TGFB3: variants seen among roughly 807,000 people sequenced by gnomAD.
TGFB3 encodes transforming growth factor beta 3.
Under a neutral mutation model 40.1 loss-of-function variants are expected in TGFB3, and 5 were observed. That is an observed-to-expected ratio of 0.12 (90% CI 0.07 to 0.26). The LOEUF (loss-of-function observed/expected upper bound fraction) is 0.26. TGFB3 is among the 10% of genes least tolerant of loss of function. TGFB3 has a pLI of 1.00. For synonymous variants in TGFB3, 184 were observed against 205.6 expected, an observed-to-expected ratio of 0.89 and a Z score of 0.90; for missense variants, 373 against 530.1, an observed-to-expected ratio of 0.70 and a Z score of 2.91.
At position 75,961,077 on chromosome 14, in the gene TGFB3, C is replaced by G. The variant is rs767548724; in HGVS notation, c.927-1G>C. 1 of 1,614,082 alleles carries G rather than the reference C, an allele frequency of 6.2e-7. No individual in the cohort carries two copies. The highest frequency in any genetic ancestry group is 1.7e-5 in the Admixed American group (1 of 60,024). ...CACACAGCAGTTCTCCTCCAAGTTGCTACAACAAAAAACATTTATAGAAAA... is the reference window on the plus strand; with the variant it reads ...CACACAGCAGTTCTCCTCCAAGTTGGTACAACAAAAAACATTTATAGAAAA... On this transcript the variant is annotated splice_acceptor_variant, in intron 5 of 6. Transcript: ENST00000238682. LOFTEE classifies it high-confidence loss of function.
chr14:75,979,233 G>T lies in TGFB3; in HGVS notation c.352+1309C>A, dbSNP rs1299853649. Among the ~76,000 whole-genome samples the T allele has an allele frequency of 6.6e-6, 1 of 152,116 alleles. No homozygotes were observed. Among genetic ancestry groups the T allele is most frequent in the African/African-American group, 2.4e-5 (1 of 41,420 alleles). On this transcript the variant is annotated intron_variant, in intron 1 of 6. Transcript: ENST00000238682. The surrounding 1 kb of genome is among the most constrained non-coding windows in gnomAD (Gnocchi z 4.8). The stretch of plus-strand genomic sequence containing the variant: ...CTGCCTGGCGTGGAGCCGTGAACGG[G>T]GCCTTTGCACCTCCAGCCAGAGCTG...
Position 75,981,107 on chromosome 14 carries a change from C to A in TGFB3, c.-214G>T. 1.7e-6 allele frequency: 1 copy of A among 597,962 alleles called. No homozygotes were observed. Among genetic ancestry groups the A allele is most frequent in the Admixed American group, 2.8e-5 (1 of 36,360 alleles). The allele number at this position is 597,962 out of a possible 1,614,324, so 37.0% of individuals were successfully genotyped here. ...TGAGGACGAAGAAGCGGACTGTGTG[C>A]CTTGTAGCGCTGGGATTCTTGTCCA... On this transcript the variant is annotated 5_prime_UTR_variant, in exon 1 of 7. Transcript: ENST00000238682. The surrounding 1 kb of genome is among the most constrained non-coding windows in gnomAD (Gnocchi z 4.7).
Position 75,980,759 on chromosome 14 carries a change from T to C in TGFB3, c.135A>G (p.Gly45=), listed in dbSNP as rs759608485. The C allele has an allele frequency of 6.2e-7, 1 of 1,614,122 alleles. No individual in the cohort carries two copies. Among genetic ancestry groups the C allele is most frequent in the South Asian group, 1.1e-5 (1 of 91,078 alleles). Residue 45 remains glycine, a synonymous_variant, in exon 1 of 7, where the codon GGA becomes GGG. Transcript: ENST00000238682. This position sits in a 1 kb window ranked among gnomAD's most constrained non-coding sequence, Gnocchi z 4.3. ...TGAGCCTGAGCTTGCTCAAGATCTG[T>C]CCCCTAATGGCTTCCACCCTCTTCT... The part of the protein sequence containing the change: ...IKKKRVEAIR[G]QILSKLRLTS...
rs2035290418 is a variant in TGFB3 at position 75,971,424 on chromosome 14, A to T, written c.516+131T>A. 3.9e-6 allele frequency: 6 copies of T among 1,521,310 alleles called. No homozygotes were observed. The highest frequency in any genetic ancestry group is 5.4e-6 in the Non-Finnish European group (6 of 1,116,304). The allele number at this position is 1,521,310 out of a possible 1,614,324, so 94.2% of individuals were successfully genotyped here. ...AAGTGTTTTAATGACAGACACAGAT[A>T]CGGAAACGAAGGCTCAGAGAAGCCA... On this transcript the variant is annotated intron_variant, in intron 2 of 6. Transcript: ENST00000238682. This position sits in a 1 kb window ranked among gnomAD's most constrained non-coding sequence, Gnocchi z 4.5.
At chr14:75,962,237 G>A (rs1263297848) in intron 5 of TGFB3, among the ~76,000 whole-genome samples, 2 of 152,134 alleles carry the variant, frequency 1.3e-5, no homozygotes, top group African/African-American at 2.4e-5. Context: ...TAAAGTCACT[G>A]GCCAAGATCA....
At chr14:75,967,052 C>A (rs2035229385) in intron 3 of TGFB3, among the ~76,000 whole-genome samples, 2 of 152,200 alleles carry the variant, frequency 1.3e-5, no homozygotes, top group South Asian at 4.1e-4. Flanking sequence ...TTGGAGACAA[C>A]CTGGAGTCTT....
At chr14:75,963,199 T>G in intron 5 of TGFB3, 117 bp downstream of exon 5, 14 of 1,099,944 alleles carry the variant, frequency 1.3e-5, no homozygotes, top group Non-Finnish European at 1.7e-5. Context: ...TTCCTGGAGA[T>G]GTTTGTGAAT....
chr14:75,959,594 C>A (rs2035128389), intron 6 of TGFB3, among the ~76,000 whole-genome samples: 1 of 151,996 alleles, frequency 6.6e-6, no homozygotes, highest in African/African-American at 2.4e-5. Context: ...CATGGTGAAA[C>A]CCCATCTCTA....
chr14:75,976,157 T>A (rs1264251513), intron 1 of TGFB3, among the ~76,000 whole-genome samples: 1 of 152,204 alleles, frequency 6.6e-6, no homozygotes, highest in Non-Finnish European at 1.5e-5. Context: ...CTTGTATATA[T>A]CATTTCTGCT....
intron 3 of TGFB3, among the ~76,000 whole-genome samples, chr14:75,970,355 C>T (rs1051298058): frequency 8.6e-5 from 13 of 151,924 alleles, no homozygotes; most frequent in Admixed American, 2.0e-4. Context: ...GTCAGGAGTT[C>T]GAGACCAGCC....
rs756718171 is a variant in TGFB3 at position 75,978,313 on chromosome 14, G to A, written c.352+2229C>T. On this transcript the variant is annotated intron_variant, in intron 1 of 6. Transcript: ENST00000238682. The surrounding 1 kb of genome is among the most constrained non-coding windows in gnomAD (Gnocchi z 5.0). The stretch of plus-strand genomic sequence containing the variant: ...CTTCCTTCCCCCACCCCGCCCCGCC[G>A]CCTTGCAAGCCCCTGATGATGGCTC... Among the ~76,000 whole-genome samples, 2 of 151,122 alleles carry A rather than the reference G, an allele frequency of 1.3e-5. No individual in the cohort carries two copies. The highest frequency in any genetic ancestry group is 2.0e-4 in the East Asian group (1 of 5,076).
intron 1 of TGFB3, among the ~76,000 whole-genome samples, chr14:75,972,204 G>T (rs2035302438): frequency 6.6e-6 from 1 of 152,204 alleles, no homozygotes. Flanking sequence ...AGCAAAACAT[G>T]AGTAGACACA....
In TGFB3 at chr14:75,980,673, T is replaced by C. The variant is rs1279947435; in HGVS notation, c.221A>G (p.Asn74Ser). 4 of 1,614,174 alleles carry C rather than the reference T, an allele frequency of 2.5e-6. No individual in the cohort carries two copies. The highest frequency in any genetic ancestry group is 3.4e-6 in the Non-Finnish European group (4 of 1,180,026). Residue 74 changes from asparagine (N) to serine (S), a missense_variant, in exon 1 of 7, where the codon AAC becomes AGC. Asn to Ser is a conservative substitution (Grantham distance 46). Transcript: ENST00000238682. This position sits in a 1 kb window ranked among gnomAD's most constrained non-coding sequence, Gnocchi z 4.3. ...CTCCTCCAGCAGCTCCCGGGTGCTG[T>C]TGTAAAGGGCCAGGACCTGATAGGG... ...HVPYQVLALY[N>S]STRELLEEMH... is the part of the protein sequence containing the mutation.
At chr14:75,967,434 A>G (rs2035233274) in intron 3 of TGFB3, among the ~76,000 whole-genome samples, 1 of 152,216 alleles carries the variant, frequency 6.6e-6, no homozygotes. Flanking sequence ...GGGTTAAGGC[A>G]GCTGGAAGGA....
At chr14:75,967,599 G>A (rs1444923217) in intron 3 of TGFB3, among the ~76,000 whole-genome samples, 1 of 152,224 alleles carries the variant, frequency 6.6e-6, no homozygotes, top group African/African-American at 2.4e-5. Flanking sequence ...GGGAGAGTGA[G>A]GGTCCAGGAT....
intron 1 of TGFB3, among the ~76,000 whole-genome samples, chr14:75,972,060 A>C (rs367801905): frequency 6.6e-6 from 1 of 152,234 alleles, no homozygotes; most frequent in East Asian, 1.9e-4. Context: ...TTCTAGAAAG[A>C]TATCAGCACC....
chr14:75,973,737 ACT>A (rs1424691176), intron 1 of TGFB3, among the ~76,000 whole-genome samples: 2 of 152,054 alleles, frequency 1.3e-5, no homozygotes, highest in Admixed American at 6.5e-5. Context: ...ACAGAGGGAG[ACT>A]CTGTTTCAAG....
intron 3 of TGFB3, 182 bp from the exon 4 acceptor site, chr14:75,965,877 C>A: frequency 1.6e-6 from 1 of 631,674 alleles, no homozygotes; most frequent in Non-Finnish European, 2.9e-6. Flanking sequence ...TTCAAGCGCA[C>A]GTTGCCACAT....
At chr14:75,959,723 A>G (rs1056446160) in intron 6 of TGFB3, among the ~76,000 whole-genome samples, 2 of 151,872 alleles carry the variant, frequency 1.3e-5, no homozygotes, top group South Asian at 4.2e-4. Flanking sequence ...GTAAGCAGAA[A>G]TAGTGCCACC....
Sources: gnomAD v4.1 joint callset for allele counts (sites outside exome capture counted in the v4.1 genomes callset) on GRCh38, gnomAD v4.1.1 for gene constraint, Gnocchi (gnomAD v3.1) non-coding constraint, MANE v1.5 for transcripts, NCBI Gene and HGNC (gene_info 2026-07-23, HGNC 2026-07-21) for gene names.